The following ZNF331 variants were observed in gnomAD, a reference collection of about 807,000 sequenced individuals.
ZNF331 encodes the protein C2H2-like zinc finger protein rearranged in thyroid adenomas.
ZNF331 carries 2 observed loss-of-function variants against 7.0 expected under a neutral mutation model. The observed-to-expected ratio is 0.29, with a 90% confidence interval of 0.12 to 0.90. The LOEUF (loss-of-function observed/expected upper bound fraction) is 0.90, where lower values mean the gene tolerates loss of function less well. ZNF331 is among the 40% of genes least tolerant of loss of function. ZNF331 has a pLI of 0.58. For synonymous variants in ZNF331, 196 were observed against 205.4 expected, an observed-to-expected ratio of 0.95 and a Z score of 0.39; for missense variants, 432 against 587.7, an observed-to-expected ratio of 0.74 and a Z score of 2.74.
chr19:53,527,568 TTTTGTTAACAG>T (rs2087353596), intron 2 of ZNF331, among the ~76,000 whole-genome samples: 1 of 152,172 alleles, frequency 6.6e-6, no homozygotes, highest in Non-Finnish European at 1.5e-5. Context: ...ACTGTTAACA[TTTTGTTAACAG>T]GTATGTGTCC....
chr19:53,531,693 T>G (rs1600225514), intron 2 of ZNF331, among the ~76,000 whole-genome samples: 1 of 152,194 alleles, frequency 6.6e-6, no homozygotes, highest in East Asian at 1.9e-4. Context: ...GCATAAATGT[T>G]TTCCAAGTAA....
At chr19:53,503,679 G>A in the ZNF331 span, 1 of 705,502 alleles carries the variant, frequency 1.4e-6, no homozygotes, top group East Asian at 2.6e-5. Context: ...GTGTCCATTG[G>A]CAGCACCTGC....
chr19:53,548,865 T>C (rs1324225149), intron 2 of ZNF331, among the ~76,000 whole-genome samples: 1 of 151,842 alleles, frequency 6.6e-6, no homozygotes, highest in East Asian at 1.9e-4. Context: ...TTTTTTTTTT[T>C]GAGACCAAGT....
chr19:53,568,142 A>G (rs1194106685), intron 3 of ZNF331, among the ~76,000 whole-genome samples: 6 of 151,320 alleles, frequency 4.0e-5, no homozygotes, highest in Admixed American at 4.0e-4. Context: ...CCAGCTACTC[A>G]GGAGGCTGAG....
chr19:53,532,797 T>C (rs4801990), intron 2 of ZNF331, among the ~76,000 whole-genome samples: 59,808 of 152,024 alleles, frequency 0.39, 12,061 homozygotes, highest in Middle Eastern at 0.5. Flanking sequence ...TCCAACTTTT[T>C]TGGCATCTAA....
chr19:53,544,107 G>A (rs969276024), intron 2 of ZNF331, among the ~76,000 whole-genome samples: 4 of 151,366 alleles, frequency 2.6e-5, no homozygotes, highest in Non-Finnish European at 2.9e-5. Flanking sequence ...TGCACCTGTA[G>A]TCCCAGCTAC....
At chr19:53,563,768 C>T (rs1284931160) in intron 3 of ZNF331, 1 of 151,958 alleles carries the variant, frequency 6.6e-6, no homozygotes, top group African/African-American at 2.4e-5. Context: ...TCCAGCTTTA[C>T]CAGTGAGGAA....
intron 1 of ZNF331, chr19:53,522,188 T>A (rs1322653120): frequency 6.6e-6 from 1 of 152,032 alleles, no homozygotes; most frequent in East Asian, 1.9e-4. Flanking sequence ...CTCACATGCC[T>A]GTGCCCTCTT....
At position 53,571,509 on chromosome 19, in the gene ZNF331, C is replaced by T. The variant is rs972902999; in HGVS notation, c.10-95C>T. On this transcript the variant is annotated intron_variant, in intron 4 of 5. Coordinates refer to ENST00000449416, the MANE Select transcript of ZNF331 (RefSeq NM_001079906.2). This position sits in a 1 kb window ranked among gnomAD's most constrained non-coding sequence, Gnocchi z 4.7. ...ATGTCACGGGTGTTCAGTCTGCTCA[C>T]GGTGTTCACCCTACCCAGAGGGTGG... The T allele has an allele frequency of 9.3e-6, 14 of 1,511,362 alleles. No homozygotes were observed. Among genetic ancestry groups the T allele is most frequent in the African/African-American group, 1.4e-5 (1 of 72,194 alleles). 93.6% of individuals were successfully genotyped at this position (1,511,362 alleles called of 1,614,324 possible). A position where few individuals can be genotyped will look rare whatever the true frequency, so the allele number is the denominator to read the frequency against.
chr19:53,530,884 G>A (rs2087512137), intron 2 of ZNF331, among the ~76,000 whole-genome samples: 1 of 152,134 alleles, frequency 6.6e-6, no homozygotes, highest in Non-Finnish European at 1.5e-5. Context: ...AGTATCTTGG[G>A]GGCAATGGGA....
intron 3 of ZNF331, among the ~76,000 whole-genome samples, chr19:53,561,946 G>A (rs182243035): frequency 2.2e-4 from 33 of 152,198 alleles, no homozygotes; most frequent in African/African-American, 6.7e-4. Context: ...TCAGGAGTTC[G>A]AAACCAGCCT....
At chr19:53,527,385 C>T (rs973682000) in intron 2 of ZNF331, among the ~76,000 whole-genome samples, 8 of 152,022 alleles carry the variant, frequency 5.3e-5, no homozygotes, top group South Asian at 2.1e-4. Flanking sequence ...TGATGTTGCA[C>T]GGCAAGGGAA....
Position 53,574,738 on chromosome 19 carries a change from A to G in ZNF331, c.137-1959A>G, listed in dbSNP as rs150248217. On this transcript the variant is annotated intron_variant, in intron 5 of 5. Coordinates refer to ENST00000449416, the MANE Select transcript of ZNF331 (RefSeq NM_001079906.2). ...CTCTTTGCCATTGGCAGTCATTGGC[A>G]CTGCTTACATTCATCACACTGGGGG... Among the ~76,000 whole-genome samples, 120 of 152,276 alleles carry G rather than the reference A, an allele frequency of 7.9e-4. 1 individual carries two copies. In the Middle Eastern group the frequency reaches 0.01, roughly 13 times the overall value.
the ZNF331 span, among the ~76,000 whole-genome samples, chr19:53,505,296 T>G: frequency 1.3e-5 from 2 of 152,102 alleles, no homozygotes; most frequent in Non-Finnish European, 2.9e-5. Flanking sequence ...TGTGTTTTTG[T>G]TTTTGTTTTT....
intron 2 of ZNF331, among the ~76,000 whole-genome samples, chr19:53,550,711 G>T (rs1325558632): frequency 6.6e-6 from 1 of 150,494 alleles, no homozygotes; most frequent in Non-Finnish European, 1.5e-5. Flanking sequence ...TAATTTTTGT[G>T]TTTTTAGTAG....
At chr19:53,544,723 T>A (rs975175573) in intron 2 of ZNF331, among the ~76,000 whole-genome samples, 2 of 152,000 alleles carry the variant, frequency 1.3e-5, no homozygotes, top group African/African-American at 2.4e-5. Flanking sequence ...GCTGTGATAC[T>A]GTACTGCAGT....
intron 2 of ZNF331, among the ~76,000 whole-genome samples, chr19:53,553,264 C>T (rs1407692921): frequency 6.7e-6 from 1 of 150,058 alleles, no homozygotes; most frequent in Non-Finnish European, 1.5e-5. Context: ...GTAATCCTGG[C>T]CTAGGCAACA....
At chr19:53,543,608 A>C (rs890942646) in intron 2 of ZNF331, among the ~76,000 whole-genome samples, 3 of 152,160 alleles carry the variant, frequency 2.0e-5, no homozygotes, top group Non-Finnish European at 4.4e-5. Context: ...AAAAAGAAAA[A>C]CTTTTTTTAA....
chr19:53,564,756 GCTGGAAAAT>G (rs1391126811), intron 3 of ZNF331, among the ~76,000 whole-genome samples: 1 of 152,062 alleles, frequency 6.6e-6, no homozygotes, highest in Non-Finnish European at 1.5e-5. Context: ...AACATTATCT[GCTGGAAAAT>G]CTGGATAAGA....
Sources: gnomAD v4.1 joint callset for allele counts (sites outside exome capture counted in the v4.1 genomes callset) on GRCh38, gnomAD v4.1.1 for gene constraint, Gnocchi (gnomAD v3.1) non-coding constraint, MANE v1.5 for transcripts, NCBI Gene and HGNC (gene_info 2026-07-23, HGNC 2026-07-21) for gene names.